The following CDK6 variants were observed in gnomAD, a reference collection of about 807,000 sequenced individuals.
The protein encoded by CDK6 is cyclin-dependent kinase 6.
A neutral mutation model predicts 37.1 loss-of-function variants in CDK6; 6 were observed. That is an observed-to-expected ratio of 0.16 (90% CI 0.09 to 0.32). The LOEUF is 0.32. Ranked by LOEUF, CDK6 falls within the 10% of genes least tolerant of loss-of-function variation. CDK6 has a pLI of 1.00. For synonymous variants in CDK6, 160 were observed against 161.3 expected (o/e 0.99, Z 0.06); for missense variants, 224 against 418.9 (o/e 0.53, Z 4.06).
intron 2 of CDK6, among the ~76,000 whole-genome samples, chr7:92,811,996 C>G (rs1036113398): frequency 6.6e-6 from 1 of 151,968 alleles, no homozygotes; most frequent in African/African-American, 2.4e-5. Flanking sequence ...ACTAAAAATA[C>G]AAAAATTAGC....
chr7:92,708,614 CATCT>C (rs1449361427), intron 4 of CDK6, among the ~76,000 whole-genome samples: 1 of 152,092 alleles, frequency 6.6e-6, no homozygotes, highest in African/African-American at 2.4e-5. Context: ...TAAAGTAAAA[CATCT>C]ATCATTTAAG....
rs1479181745 is a variant in CDK6 at position 92,778,946 on chromosome 7, T to TATATAA, written c.234-4116_234-4115insTTATAT. On this transcript the variant is annotated intron_variant, in intron 2 of 7. Transcript: ENST00000424848. ...TATCATATATATATATATATATATA[T>TATATAA]AAGATATTATAGTAATTTCCAAAAG... 7.8e-4 allele frequency among the ~76,000 whole-genome samples: 105 copies of TATATAA among 134,902 alleles called. 8 individuals are homozygous for TATATAA. Among genetic ancestry groups the TATATAA allele is most frequent in the African/African-American group, 2.4e-3 (81 of 33,516 alleles). 88.5% of individuals were successfully genotyped at this position (134,902 alleles called of 152,430 possible). A position where few individuals can be genotyped will look rare whatever the true frequency, so the allele number is the denominator to read the frequency against.
intron 3 of CDK6, among the ~76,000 whole-genome samples, chr7:92,770,757 A>G (rs1425920703): frequency 1.3e-5 from 2 of 152,094 alleles, no homozygotes; most frequent in Admixed American, 1.3e-4. Context: ...AGTACTGCCC[A>G]ACTAATGCAA....
chr7:92,621,258 C>T (rs567079850), intron 6 of CDK6, among the ~76,000 whole-genome samples: 1 of 152,276 alleles, frequency 6.6e-6, no homozygotes, highest in South Asian at 2.1e-4. Flanking sequence ...TGACACAATG[C>T]CAGAAACCAC....
At chr7:92,764,301 G>A (rs1165550517) in intron 3 of CDK6, among the ~76,000 whole-genome samples, 1 of 152,002 alleles carries the variant, frequency 6.6e-6, no homozygotes, top group Non-Finnish European at 1.5e-5. Flanking sequence ...ACAACACCTG[G>A]CTAATTTTTG....
At chr7:92,686,909 T>C (rs898293799) in intron 4 of CDK6, among the ~76,000 whole-genome samples, 2 of 152,162 alleles carry the variant, frequency 1.3e-5, no homozygotes, top group African/African-American at 4.8e-5. Flanking sequence ...TGTTGGCCAT[T>C]TGTATATCTT....
At chr7:92,823,720 G>A (rs1043503641) in intron 2 of CDK6, among the ~76,000 whole-genome samples, 1 of 152,036 alleles carries the variant, frequency 6.6e-6, no homozygotes, top group Non-Finnish European at 1.5e-5. Flanking sequence ...GACTCAGACA[G>A]TCTCTTGGGT....
intron 3 of CDK6, among the ~76,000 whole-genome samples, chr7:92,768,731 G>T (rs185537076): frequency 3.4e-4 from 52 of 152,184 alleles, no homozygotes; most frequent in Non-Finnish European, 4.9e-4. Context: ...GATAAACAGA[G>T]TATGAGTGTC....
intron 2 of CDK6, among the ~76,000 whole-genome samples, chr7:92,786,711 A>T (rs1326408065): frequency 6.7e-6 from 1 of 149,224 alleles, no homozygotes; most frequent in Non-Finnish European, 1.5e-5. Flanking sequence ...ACACATACAC[A>T]TTATATATGA....
intron 3 of CDK6, among the ~76,000 whole-genome samples, chr7:92,740,909 C>A (rs1798909296): frequency 6.6e-6 from 1 of 152,128 alleles, no homozygotes; most frequent in South Asian, 2.1e-4. Flanking sequence ...AAGTCTCCAG[C>A]CTCAGGCACT....
intron 6 of CDK6, among the ~76,000 whole-genome samples, chr7:92,618,724 T>G (rs1795735634): frequency 6.6e-6 from 1 of 152,206 alleles, no homozygotes; most frequent in African/African-American, 2.4e-5. Flanking sequence ...ATTAAATATA[T>G]ACATTAGAAT....
Position 92,803,957 on chromosome 7 carries a change from T to C in CDK6, c.234-29126A>G, listed in dbSNP as rs1265992400. 2.0e-5 allele frequency among the ~76,000 whole-genome samples: 3 copies of C among 152,224 alleles called. No homozygotes were observed. In the East Asian group the frequency reaches 5.8e-4, roughly 29 times the overall value. ...CTATATAAGCCATCTACCGTATTCATAGATCTCAATATTACCTACCTTAAT... is the reference window on the plus strand; with the variant it reads ...CTATATAAGCCATCTACCGTATTCACAGATCTCAATATTACCTACCTTAAT... On this transcript the variant is annotated intron_variant, in intron 2 of 7. Transcript: ENST00000424848.
In CDK6 at chr7:92,618,131, C is replaced by T. The variant is rs772153440; in HGVS notation, c.775G>A (p.Ala259Thr). 6.2e-7 allele frequency: 1 copy of T among 1,614,154 alleles called. No homozygotes were observed. Among genetic ancestry groups the T allele is most frequent in the Admixed American group, 1.7e-5 (1 of 59,998 alleles). The change falls in exon 7 of 8, where the codon GCC (alanine) becomes ACC (threonine). Residue 259 changes from alanine to threonine, a missense_variant. By Grantham distance (58) the Ala-to-Thr change is moderately conservative (BLOSUM62 0). Transcript: ENST00000424848. ...GTTACAAACTTCTCAATTGGTTGGG[C>T]AGATTTTGAATGAAAAGCCTGCCTG... ...LPRQAFHSKS[A>T]QPIEKFVTDI...
At chr7:92,700,135 G>A (rs1797810463) in intron 4 of CDK6, among the ~76,000 whole-genome samples, 1 of 152,180 alleles carries the variant, frequency 6.6e-6, no homozygotes, top group Non-Finnish European at 1.5e-5. Context: ...GGTAGAGAGA[G>A]CAACATGAGC....
chr7:92,674,266 G>A (rs1797157180), intron 4 of CDK6, among the ~76,000 whole-genome samples: 1 of 151,992 alleles, frequency 6.6e-6, no homozygotes, highest in Non-Finnish European at 1.5e-5. Flanking sequence ...TATTCTACAA[G>A]GCCTAGCCTA....
At chr7:92,828,737 A>C (rs1801398257) in intron 2 of CDK6, among the ~76,000 whole-genome samples, 1 of 152,152 alleles carries the variant, frequency 6.6e-6, no homozygotes, top group Non-Finnish European at 1.5e-5. Context: ...CCATAGAGAG[A>C]TTCTAATAAT....
intron 4 of CDK6, among the ~76,000 whole-genome samples, chr7:92,673,526 C>T (rs1395094402): frequency 6.6e-6 from 1 of 152,168 alleles, no homozygotes; most frequent in Non-Finnish European, 1.5e-5. Context: ...CATTTGGCCC[C>T]AACATATCTT....
rs374907593 is a variant in CDK6, at chr7:92,620,661, A to T, written c.698+2375T>A. Among the ~76,000 whole-genome samples, 196 of 152,278 alleles carry T rather than the reference A, an allele frequency of 1.3e-3. 1 individual carries two copies. Among genetic ancestry groups the T allele is most frequent in the African/African-American group, 4.6e-3 (191 of 41,568 alleles). ...CAGGTGGGGTGGCTGTAATCCCAGCAGTTTGGAAGGCCGAGGCAAGTGGAC... is the reference window on the plus strand; with the variant it reads ...CAGGTGGGGTGGCTGTAATCCCAGCTGTTTGGAAGGCCGAGGCAAGTGGAC... On this transcript the variant is annotated intron_variant, in intron 6 of 7. Transcript: ENST00000424848.
intron 2 of CDK6, among the ~76,000 whole-genome samples, chr7:92,799,829 T>A (rs781452319): frequency 6.6e-6 from 1 of 152,206 alleles, no homozygotes; most frequent in Non-Finnish European, 1.5e-5. Context: ...CGGATTCCTA[T>A]CTGGATGGAG....
Sources: gnomAD v4.1 joint callset for allele counts (sites outside exome capture counted in the v4.1 genomes callset) on GRCh38, gnomAD v4.1.1 for gene constraint, MANE v1.5 for transcripts, NCBI Gene and HGNC (gene_info 2026-07-23, HGNC 2026-07-21) for gene names.